The following DOCK1 variants were observed in gnomAD, a reference collection of about 807,000 sequenced individuals.
DOCK1 encodes dedicator of cytokinesis protein 1.
In DOCK1, 138 loss-of-function variants were observed where a neutral mutation model predicts 262.7. The ratio of observed to expected loss-of-function variants is 0.53; its 90% CI spans 0.46 to 0.61. The LOEUF is 0.61. Ranked by LOEUF, DOCK1 falls within the 20% of genes least tolerant of loss-of-function variation. The pLI, the probability that DOCK1 is intolerant of heterozygous loss-of-function variation, is 0.00. For missense variants in DOCK1, 1,908 were observed against 2,370.7 expected (o/e 0.80, Z 4.05); for synonymous variants, 866 against 867.4 (o/e 1.00, Z 0.03).
At chr10:127,346,805 G>A (rs2063654564) in intron 31 of DOCK1, among the ~76,000 whole-genome samples, 1 of 152,190 alleles carries the variant, frequency 6.6e-6, no homozygotes, top group African/African-American at 2.4e-5. Flanking sequence ...GATAGCAACA[G>A]GAGACTCTGG....
At chr10:126,951,215 G>A (rs1296578904) in intron 1 of DOCK1, among the ~76,000 whole-genome samples, 2 of 150,966 alleles carry the variant, frequency 1.3e-5, no homozygotes, top group Non-Finnish European at 3.0e-5. Context: ...AGTGGTGGTG[G>A]TAATATTGGT....
intron 23 of DOCK1, among the ~76,000 whole-genome samples, chr10:127,077,240 C>T (rs1175112364): frequency 6.6e-6 from 1 of 151,862 alleles, no homozygotes; most frequent in African/African-American, 2.4e-5. Flanking sequence ...ACTAAATATA[C>T]AAAAATTAGC....
intron 1 of DOCK1, among the ~76,000 whole-genome samples, chr10:126,969,999 T>C (rs1565016639): frequency 6.6e-6 from 1 of 152,158 alleles, no homozygotes; most frequent in Non-Finnish European, 1.5e-5. Flanking sequence ...AATATATATT[T>C]TTTTAAATTG....
At chr10:127,020,370 T>C (rs772642510) in intron 13 of DOCK1, among the ~76,000 whole-genome samples, 8 of 152,102 alleles carry the variant, frequency 5.3e-5, no homozygotes, top group Non-Finnish European at 7.3e-5. Flanking sequence ...ATGCCAATAG[T>C]GTTTCCCTTA....
rs574085302 is a variant in DOCK1, at chr10:127,342,116, T to C, written c.3124-1530T>C. 2.7e-4 allele frequency among the ~76,000 whole-genome samples: 37 copies of C among 138,998 alleles called. 1 individual carries two copies. In the South Asian group the frequency reaches 4.8e-3, roughly 18 times the overall value. The allele number at this position is 138,998 out of a possible 152,430, so 91.2% of individuals were successfully genotyped here. ...GTTGTTGCTGCTGCTGCTGCTGCTG[T>C]TGTTGTTAAAGGGAGCAGGTAGAAA... On this transcript the variant is annotated intron_variant, in intron 30 of 51. Coordinates refer to ENST00000623213, the MANE Select transcript of DOCK1 (RefSeq NM_001290223.2).
At chr10:127,262,184 G>T (rs990102239) in intron 29 of DOCK1, among the ~76,000 whole-genome samples, 2 of 142,570 alleles carry the variant, frequency 1.4e-5, no homozygotes, top group East Asian at 2.1e-4. Context: ...GTGTGTGTGT[G>T]TGTGTACCCG....
chr10:127,395,849 G>C (rs1195587161), intron 38 of DOCK1, among the ~76,000 whole-genome samples: 1 of 152,212 alleles, frequency 6.6e-6, no homozygotes, highest in East Asian at 1.9e-4. Context: ...GGTGGCTGGG[G>C]CACCCACTGG....
chr10:126,986,519 T>A (rs2039402280), intron 4 of DOCK1, among the ~76,000 whole-genome samples: 1 of 152,222 alleles, frequency 6.6e-6, no homozygotes, highest in Non-Finnish European at 1.5e-5. Context: ...CTCAGTAGTC[T>A]GAGTCTTACT....
At chr10:127,038,785 A>G (rs980002476) in intron 19 of DOCK1, among the ~76,000 whole-genome samples, 1 of 152,104 alleles carries the variant, frequency 6.6e-6, no homozygotes, top group Non-Finnish European at 1.5e-5. Flanking sequence ...TTTACTCTGT[A>G]ATTGTTTGTG....
Position 127,028,547 on chromosome 10 carries a change from G to A in DOCK1, c.1624+2123G>A, listed in dbSNP as rs952243097. 5.9e-5 allele frequency among the ~76,000 whole-genome samples: 9 copies of A among 152,300 alleles called. No individual in the cohort carries two copies. In the East Asian group the frequency reaches 1.5e-3, roughly 26 times the overall value. ...CCAGGTAGTCAGTGGAAGAGCTTTG[G>A]TTCTAAGCCAGGTCCTTGTGCCCGA... On this transcript the variant is annotated intron_variant, in intron 16 of 51. Coordinates refer to ENST00000623213, the MANE Select transcript of DOCK1 (RefSeq NM_001290223.2).
At chr10:127,447,168 G>C (rs1306082971) in intron 50 of DOCK1, among the ~76,000 whole-genome samples, 1 of 152,190 alleles carries the variant, frequency 6.6e-6, no homozygotes, top group Non-Finnish European at 1.5e-5. Flanking sequence ...TTTAGTGTTC[G>C]TGTGATACTT....
chr10:127,361,360 C>T (rs1423378841), intron 32 of DOCK1, among the ~76,000 whole-genome samples: 7 of 152,050 alleles, frequency 4.6e-5, no homozygotes, highest in Admixed American at 2.0e-4. Context: ...GTGATCTGCC[C>T]GCCTTGGCCT....
chr10:127,084,370 A>G (rs144473604), intron 23 of DOCK1, among the ~76,000 whole-genome samples: 402 of 152,304 alleles, frequency 2.6e-3, no homozygotes, highest in African/African-American at 9.1e-3. Context: ...TTCTCATTCA[A>G]TCTAAGCATG....
intron 29 of DOCK1, among the ~76,000 whole-genome samples, chr10:127,306,337 G>C (rs960574504): frequency 6.6e-6 from 1 of 152,010 alleles, no homozygotes; most frequent in African/African-American, 2.4e-5. Flanking sequence ...ATTTGATTTG[G>C]AGTTGGTGAA....
At chr10:127,292,785 C>T (rs543061789) in intron 29 of DOCK1, among the ~76,000 whole-genome samples, 1 of 152,220 alleles carries the variant, frequency 6.6e-6, no homozygotes, top group African/African-American at 2.4e-5. Flanking sequence ...CAGTGATGGG[C>T]TTTAATGTTT....
intron 1 of DOCK1, among the ~76,000 whole-genome samples, chr10:126,957,123 C>T (rs1042051604): frequency 4.6e-5 from 7 of 152,242 alleles, no homozygotes; most frequent in Non-Finnish European, 1.0e-4. Context: ...TTGTTTTCCT[C>T]ACAGAGGGCT....
intron 19 of DOCK1, among the ~76,000 whole-genome samples, chr10:127,042,413 A>G (rs951198221): frequency 1.3e-5 from 2 of 152,106 alleles, no homozygotes; most frequent in Non-Finnish European, 2.9e-5. Flanking sequence ...GACCCTCTCC[A>G]TTTAACACTG....
rs556580150 is a variant in DOCK1 at position 127,175,021 on chromosome 10, G to A, written c.2847+47257G>A. 5.3e-5 allele frequency among the ~76,000 whole-genome samples: 8 copies of A among 152,128 alleles called. No homozygotes were observed. Among genetic ancestry groups the A allele is most frequent in the African/African-American group, 1.2e-4 (5 of 41,426 alleles). ...ATGAACATTAACCAGAAAGCGTATC[G>A]TGCAGGATGCAGTGACGTCTAGTAT... On this transcript the variant is annotated intron_variant, in intron 27 of 51. Coordinates refer to ENST00000623213, the MANE Select transcript of DOCK1 (RefSeq NM_001290223.2). This position sits in a 1 kb window ranked among gnomAD's most constrained non-coding sequence, Gnocchi z 6.3.
intron 19 of DOCK1, among the ~76,000 whole-genome samples, chr10:127,040,136 C>G (rs1349792033): frequency 6.6e-6 from 1 of 152,204 alleles, no homozygotes; most frequent in Non-Finnish European, 1.5e-5. Flanking sequence ...GTCCTGCCAC[C>G]TGGGAGCCTG....
Sources: gnomAD v4.1 joint callset for allele counts (sites outside exome capture counted in the v4.1 genomes callset) on GRCh38, gnomAD v4.1.1 for gene constraint, Gnocchi (gnomAD v3.1) non-coding constraint, MANE v1.5 for transcripts, NCBI Gene and HGNC (gene_info 2026-07-23, HGNC 2026-07-21) for gene names.